PPP4R3A: variants seen among roughly 807,000 people sequenced by gnomAD.
PPP4R3A encodes serine/threonine-protein phosphatase 4 regulatory subunit 3A.
Under a neutral mutation model 91.7 loss-of-function variants are expected in PPP4R3A, and 15 were observed. The ratio of observed to expected loss-of-function variants is 0.16; its 90% confidence interval spans 0.11 to 0.25. The LOEUF is 0.25. Ranked by LOEUF, PPP4R3A falls within the 10% of genes least tolerant of loss-of-function variation. The probability of loss-of-function intolerance (pLI) is 1.00; values close to 1 mark genes in which losing one functional copy is unlikely to be tolerated. For missense variants in PPP4R3A, 623 were observed against 998.4 expected, an observed-to-expected ratio of 0.62 and a Z score of 5.07; for synonymous variants, 377 against 348.7, an observed-to-expected ratio of 1.08 and a Z score of -0.91.
intron 1 of PPP4R3A, among the ~76,000 whole-genome samples, chr14:91,496,293 T>C (rs1890567046): frequency 6.6e-6 from 1 of 152,194 alleles, no homozygotes; most frequent in African/African-American, 2.4e-5. Flanking sequence ...TTTGATGTAT[T>C]ATACTGCAAT....
rs1262539188 is a variant in PPP4R3A, at chr14:91,509,694, G to C, written c.-47C>G. On this transcript the variant is annotated 5_prime_UTR_variant, in exon 1 of 15. Transcript: ENST00000554943. The stretch of plus-strand genomic sequence containing the variant: ...CGGGGGCCCCGCCAGTAGACGCCCA[G>C]GAAAGGGGCCCTGGAGAGGCGAGGG... 3 of 1,578,236 alleles carry C rather than the reference G, an allele frequency of 1.9e-6. No homozygotes were observed. The highest frequency in any genetic ancestry group is 3.5e-5 in the Admixed American group (2 of 57,948).
rs562445806 is a variant in PPP4R3A at position 91,460,970 on chromosome 14, TAAC to T, written c.2391+408_2391+410del. ...AGTGATAGTAGATGTTTAATTTTCTTAACAAACCTTAACTGGCAAAGTAAAGTT... is the reference window on the plus strand; with the variant it reads ...AGTGATAGTAGATGTTTAATTTTCTTAAACCTTAACTGGCAAAGTAAAGTT... On this transcript the variant is annotated intron_variant, in intron 14 of 14. Transcript: ENST00000554943. 2.0e-3 allele frequency among the ~76,000 whole-genome samples: 299 copies of T among 152,314 alleles called. 1 individual carries two copies. Among genetic ancestry groups the T allele is most frequent in the African/African-American group, 7.0e-3 (289 of 41,560 alleles).
chr14:91,474,167 G>T (rs1024273035), intron 7 of PPP4R3A, among the ~76,000 whole-genome samples: 1 of 152,098 alleles, frequency 6.6e-6, no homozygotes, highest in Non-Finnish European at 1.5e-5. Flanking sequence ...AATAAATTTA[G>T]GAAAAAATTA....
chr14:91,504,201 C>G lies in PPP4R3A; in HGVS notation c.142+5305G>C, dbSNP rs542434659. Among the ~76,000 whole-genome samples, 7 of 151,096 alleles carry G rather than the reference C, an allele frequency of 4.6e-5. No individual in the cohort carries two copies. In the East Asian group the frequency reaches 1.4e-3, roughly 29 times the overall value. ...AAAAATTTTTTTTTAATTACCCAGG[C>G]ACAGTGGTGTGCACCTGTAATCCCA... On this transcript the variant is annotated intron_variant, in intron 1 of 14. Coordinates refer to ENST00000554943, the MANE Select transcript of PPP4R3A (RefSeq NM_001366432.2).
intron 3 of PPP4R3A, among the ~76,000 whole-genome samples, chr14:91,483,573 G>A (rs956407150): frequency 2.6e-5 from 4 of 152,192 alleles, no homozygotes; most frequent in African/African-American, 9.7e-5. Flanking sequence ...GAAAAGAGAG[G>A]AGTGCCCTTA....
intron 2 of PPP4R3A, among the ~76,000 whole-genome samples, chr14:91,487,249 C>CAAAAAAA (rs35970764): frequency 1.2e-5 from 1 of 80,264 alleles, no homozygotes; most frequent in Non-Finnish European, 2.4e-5. Flanking sequence ...GAGTCCGTCT[C>CAAAAAAA]AAAAAAAAAA....
At chr14:91,479,169 G>T (rs555967170) in intron 4 of PPP4R3A, among the ~76,000 whole-genome samples, 1 of 152,022 alleles carries the variant, frequency 6.6e-6, no homozygotes, top group Non-Finnish European at 1.5e-5. Context: ...TTTTAGTAGA[G>T]ACGAGGTTTT....
intron 1 of PPP4R3A, among the ~76,000 whole-genome samples, chr14:91,500,973 A>G (rs1890909878): frequency 6.6e-6 from 1 of 152,204 alleles, no homozygotes; most frequent in Admixed American, 6.5e-5. Context: ...TTGATGCTGC[A>G]ATGAGCTATG....
At position 91,476,991 on chromosome 14, in the gene PPP4R3A, G is replaced by T. The variant is rs1335348897; in HGVS notation, c.916-5C>A. The T allele has an allele frequency of 6.3e-7, 1 of 1,591,040 alleles. No individual in the cohort carries two copies. The highest frequency in any genetic ancestry group is 1.8e-5 in the Admixed American group (1 of 56,946). ...TGTCAGAAATTTTTCATCTTCCTGT[G>T]AAACAAAGGACAAATGCAATTATGT... On this transcript the variant is annotated splice_polypyrimidine_tract_variant and splice_region_variant and intron_variant, in intron 4 of 14. Coordinates refer to ENST00000554943, the MANE Select transcript of PPP4R3A (RefSeq NM_001366432.2).
intron 10 of PPP4R3A, among the ~76,000 whole-genome samples, chr14:91,468,454 G>A (rs949356293): frequency 6.6e-6 from 1 of 151,862 alleles, no homozygotes; most frequent in African/African-American, 2.4e-5. Flanking sequence ...GGCGGATCAC[G>A]AGGTCAAGAA....
Position 91,509,894 on chromosome 14 carries a change from C to T in PPP4R3A, c.-247G>A, listed in dbSNP as rs1025213516. On this transcript the variant is annotated 5_prime_UTR_variant, in exon 1 of 15. Coordinates refer to ENST00000554943, the MANE Select transcript of PPP4R3A (RefSeq NM_001366432.2). ...TTGTCCAGGCCTGGCGAGCCCGGCG[C>T]CCGGCAGCCCCGAGGGGGCCGCGCA... 2.8e-6 allele frequency: 3 copies of T among 1,078,020 alleles called. No individual in the cohort carries two copies. Among genetic ancestry groups the T allele is most frequent in the South Asian group, 8.7e-5 (2 of 23,008 alleles). The allele number at this position is 1,078,020 out of a possible 1,614,324, so 66.8% of individuals were successfully genotyped here.
At chr14:91,460,012 T>C (rs897737962) in intron 14 of PPP4R3A, among the ~76,000 whole-genome samples, 2 of 151,860 alleles carry the variant, frequency 1.3e-5, no homozygotes, top group Non-Finnish European at 2.9e-5. Context: ...CCACTGCCGC[T>C]TGCTTTATTT....
At chr14:91,474,168 GA>G (rs1328556890) in intron 7 of PPP4R3A, among the ~76,000 whole-genome samples, 1 of 152,116 alleles carries the variant, frequency 6.6e-6, no homozygotes, top group Non-Finnish European at 1.5e-5. Flanking sequence ...ATAAATTTAG[GA>G]AAAAATTATC....
chr14:91,486,990 T>C (rs1889929949), intron 2 of PPP4R3A, among the ~76,000 whole-genome samples: 1 of 151,416 alleles, frequency 6.6e-6, no homozygotes, highest in African/African-American at 2.4e-5. Context: ...CTCATGCCTC[T>C]AATCACAGCA....
intron 1 of PPP4R3A, among the ~76,000 whole-genome samples, chr14:91,491,383 T>C (rs1260545631): frequency 6.6e-6 from 1 of 150,848 alleles, no homozygotes; most frequent in East Asian, 2.0e-4. Context: ...TTCTGAACAT[T>C]TGATGCAAAC....
chr14:91,491,968 T>C (rs2140137210), intron 1 of PPP4R3A, among the ~76,000 whole-genome samples: 1 of 152,254 alleles, frequency 6.6e-6, no homozygotes, highest in East Asian at 1.9e-4. Flanking sequence ...CCTCCCAAAG[T>C]GCTGGGACTA....
rs532774217 is a variant in PPP4R3A, at chr14:91,484,518, CTA to C, written c.297+1112_297+1113del. Among the ~76,000 whole-genome samples the C allele has an allele frequency of 4.8e-3, 738 of 152,308 alleles. 5 individuals carry two copies. The highest frequency in any genetic ancestry group is 0.014 in the Middle Eastern group (4 of 294). On this transcript the variant is annotated intron_variant, in intron 3 of 14. Transcript: ENST00000554943. ...AGAGGTGACCTAGCTGTGACAGAGA[CTA>C]TATGGCCTGCAAAGCCTTAAATATT...
At position 91,470,923 on chromosome 14, in the gene PPP4R3A, T is replaced by A; in HGVS notation, c.1574A>T (p.Tyr525Phe). The change falls in exon 10 of 15, where the codon TAC becomes TTC. Residue 525 changes from tyrosine (Y) to phenylalanine (F), a missense_variant. By Grantham distance (22) the Tyr-to-Phe change is conservative (BLOSUM62 3). Coordinates refer to ENST00000554943, the MANE Select transcript of PPP4R3A (RefSeq NM_001366432.2). ...LLTFCVEHHT[Y>F]HIKNYIINKD... ...ATTAATAATGTAGTTCTTTATGTGG[T>A]AGGTATGGTGCTCCACACAAAATGT... 5 of 1,612,174 alleles carry A rather than the reference T, an allele frequency of 3.1e-6. No homozygotes were observed. Among genetic ancestry groups the A allele is most frequent in the Non-Finnish European group, 4.2e-6 (5 of 1,179,660 alleles).
At chr14:91,506,728 T>TTAC (rs1401173462) in intron 1 of PPP4R3A, among the ~76,000 whole-genome samples, 1 of 152,146 alleles carries the variant, frequency 6.6e-6, no homozygotes, top group Non-Finnish European at 1.5e-5. Flanking sequence ...GTTTGTATGT[T>TTAC]TTGTAGAGAT....
Sources: allele counts gnomAD v4.1 joint callset (sites outside exome capture counted in the v4.1 genomes callset), GRCh38; gene constraint gnomAD v4.1.1; transcripts MANE v1.5; gene names NCBI Gene and HGNC (gene_info 2026-07-23, HGNC 2026-07-21).